PSTPIP1: variants seen among roughly 807,000 people sequenced by gnomAD.
The protein encoded by PSTPIP1 is proline-serine-threonine phosphatase interacting protein 1.
A neutral mutation model predicts 69.6 loss-of-function variants in PSTPIP1; 66 were observed. The observed-to-expected ratio is 0.95, with a 90% CI of 0.78 to 1.16. The LOEUF is 1.16. Ranked by LOEUF, PSTPIP1 falls within the 50% of genes most tolerant of loss-of-function variation. The pLI, the probability that PSTPIP1 is intolerant of heterozygous loss-of-function variation, is 0.00. For missense variants in PSTPIP1, 603 were observed against 557.4 expected (o/e 1.08, Z -0.82); for synonymous variants, 266 against 222.7 (o/e 1.19, Z -1.73).
At chr15:77,030,026 C>A (rs1014327136) in intron 8 of PSTPIP1, among the ~76,000 whole-genome samples, 2 of 152,098 alleles carry the variant, frequency 1.3e-5, no homozygotes, top group African/African-American at 4.8e-5. Flanking sequence ...CACCCACCCT[C>A]CTCCCTTCCC....
At chr15:77,013,907 T>C (rs1295955057) in intron 1 of PSTPIP1, among the ~76,000 whole-genome samples, 1 of 152,176 alleles carries the variant, frequency 6.6e-6, no homozygotes, top group East Asian at 1.9e-4. Context: ...ATGGAACCTC[T>C]GGTGGAGGAA....
chr15:77,036,310 G>C (rs1446465838), intron 14 of PSTPIP1, among the ~76,000 whole-genome samples: 1 of 152,198 alleles, frequency 6.6e-6, no homozygotes, highest in African/African-American at 2.4e-5. Context: ...GGAGCTGGCA[G>C]AGCCTGGAGC....
rs747139033 is a variant in PSTPIP1, at chr15:77,037,036, C to T, written c.1120-9C>T. 1 of 1,611,616 alleles carries T rather than the reference C, an allele frequency of 6.2e-7. No individual in the cohort carries two copies. The highest frequency in any genetic ancestry group is 1.3e-5 in the African/African-American group (1 of 74,922). ...TTCCAACGTCATGCGCTTTCAATCTCTTGGCCAGAACCCAGATGAGCTGGA... is the reference window on the plus strand; with the variant it reads ...TTCCAACGTCATGCGCTTTCAATCTTTTGGCCAGAACCCAGATGAGCTGGA... On this transcript the variant is annotated splice_polypyrimidine_tract_variant and intron_variant, in intron 14 of 14. Coordinates refer to ENST00000558012, the MANE Select transcript of PSTPIP1 (RefSeq NM_003978.5).
At chr15:77,010,335 C>A (rs752997807) in intron 1 of PSTPIP1, among the ~76,000 whole-genome samples, 17 of 152,294 alleles carry the variant, frequency 1.1e-4, no homozygotes, top group Middle Eastern at 3.4e-3. Context: ...GGGGATCATG[C>A]GTGAGAGCCC....
At chr15:77,002,367 G>C (rs1338571776) in intron 1 of PSTPIP1, among the ~76,000 whole-genome samples, 3 of 152,222 alleles carry the variant, frequency 2.0e-5, no homozygotes, top group Admixed American at 6.5e-5. Context: ...GGTGTCTATG[G>C]ATTTGGAAGT....
chr15:77,032,929 G>C lies in PSTPIP1; in HGVS notation c.906G>C (p.Gln302His). The change falls in exon 12 of 15, where the codon CAG (glutamine) becomes CAC (histidine). Residue 302 changes from glutamine (Q) to histidine (H), a missense_variant. Coordinates refer to ENST00000558012, the MANE Select transcript of PSTPIP1 (RefSeq NM_003978.5). ...CGCTGACCAGCAGCCCTGGCATACAGCCGTCCTGCGGCATGATAAAGAGGT... is the reference window on the plus strand; with the variant it reads ...CGCTGACCAGCAGCCCTGGCATACACCCGTCCTGCGGCATGATAAAGAGGT... ...VTPLTSSPGI[Q>H]PSCGMIKRFS... 1.2e-6 allele frequency: 2 copies of C among 1,604,996 alleles called. No homozygotes were observed. Among genetic ancestry groups the C allele is most frequent in the Non-Finnish European group, 1.7e-6 (2 of 1,176,244 alleles).
chr15:77,035,880 G>C lies in PSTPIP1; in HGVS notation c.1064G>C (p.Gly355Ala). 1 of 1,610,480 alleles carries C rather than the reference G, an allele frequency of 6.2e-7. No homozygotes were observed. Among genetic ancestry groups the C allele is most frequent in the Non-Finnish European group, 8.5e-7 (1 of 1,179,542 alleles). Residue 355 changes from glycine (G) to alanine (A), a missense_variant, in exon 14 of 15, where the codon GGA (glycine) becomes GCA (alanine). Coordinates refer to ENST00000558012, the MANE Select transcript of PSTPIP1 (RefSeq NM_003978.5). The part of the protein sequence containing the change: ...YTAIAVQEIQ[G>A]NPASPAQEYR... ...GCCATCGCAGTGCAGGAGATACAGG[G>C]AAACCCGGCCTCACCAGCCCAGGAG...
Position 77,037,045 on chromosome 15 carries a change from A to T in PSTPIP1, c.1120A>T (p.Asn374Tyr). 1 of 1,611,892 alleles carries T rather than the reference A, an allele frequency of 6.2e-7. No homozygotes were observed. The highest frequency in any genetic ancestry group is 1.1e-5 in the South Asian group (1 of 91,080). Residue 374 changes from asparagine (N) to tyrosine (Y), a missense_variant and splice_region_variant, in exon 15 of 15, where the codon AAC becomes TAC. By Grantham distance (143) the Asn-to-Tyr change is moderately radical. Transcript: ENST00000558012. ...CATGCGCTTTCAATCTCTTGGCCAG[A>T]ACCCAGATGAGCTGGACCTGTCCGC... is the stretch of plus-strand genomic sequence containing the variant. ...YRALYDYTAQNPDELDLSAGD... is the reference protein window; with the variant it reads ...YRALYDYTAQYPDELDLSAGD...
chr15:77,027,976 G>C lies in PSTPIP1; in HGVS notation c.417+62G>C, dbSNP rs72643467. On this transcript the variant is annotated intron_variant, in intron 6 of 14. Coordinates refer to ENST00000558012, the MANE Select transcript of PSTPIP1 (RefSeq NM_003978.5). The surrounding 1 kb of genome is among the most constrained non-coding windows in gnomAD (Gnocchi z 4.3). Reference sequence around the variant, plus strand: ...AGGAGCAGCGCAGGTCTCAGGGTGCGATCCTGGGCTGTGGCCCCGGGCAGG... The same window carrying C: ...AGGAGCAGCGCAGGTCTCAGGGTGCCATCCTGGGCTGTGGCCCCGGGCAGG... 2.6e-3 allele frequency: 3,732 copies of C among 1,410,892 alleles called. 86 individuals are homozygous for C. The African/African-American group carries it at 0.046, about 18-fold the overall frequency. 87.4% of individuals were successfully genotyped at this position (1,410,892 alleles called of 1,614,324 possible).
chr15:77,030,773 C>T (rs1196132797), intron 9 of PSTPIP1, among the ~76,000 whole-genome samples, 192 bp downstream of exon 9: 2 of 152,236 alleles, frequency 1.3e-5, no homozygotes, highest in African/African-American at 4.8e-5. Flanking sequence ...GCCTTGAGTC[C>T]TGGGCCCCTT....
At chr15:77,029,682 C>T in intron 8 of PSTPIP1, 108 bp downstream of exon 8, 1 of 1,276,934 alleles carries the variant, frequency 7.8e-7, no homozygotes, top group South Asian at 1.4e-5. Flanking sequence ...GCTGCACAAT[C>T]ATGGGCGCGG....
intron 1 of PSTPIP1, among the ~76,000 whole-genome samples, chr15:77,017,718 C>T (rs915086294): frequency 1.3e-5 from 2 of 152,222 alleles, no homozygotes; most frequent in African/African-American, 2.4e-5. Flanking sequence ...GCTCTGGATA[C>T]GATCACATGT....
chr15:77,036,125 G>T (rs1249233095), intron 14 of PSTPIP1, among the ~76,000 whole-genome samples, 190 bp downstream of exon 14: 3 of 152,186 alleles, frequency 2.0e-5, no homozygotes, highest in Non-Finnish European at 4.4e-5. Context: ...AGTGTGCTTG[G>T]ATGTGAGCTC....
intron 1 of PSTPIP1, among the ~76,000 whole-genome samples, chr15:77,017,719 G>A (rs879730749): frequency 2.0e-5 from 3 of 152,232 alleles, no homozygotes; most frequent in Non-Finnish European, 4.4e-5. Context: ...CTCTGGATAC[G>A]ATCACATGTC....
rs143326445 is a variant in PSTPIP1 at position 77,032,740 on chromosome 15, C to A, written c.839-122C>A. ...GGGTCTCTCATGGGAGCAAGACAGG[C>A]ACCTCCTCAGGCACCAGGATGGGCC... is the stretch of plus-strand genomic sequence containing the variant. On this transcript the variant is annotated intron_variant, in intron 11 of 14. Transcript: ENST00000558012. 1.3e-5 allele frequency: 10 copies of A among 798,558 alleles called. No individual in the cohort carries two copies. The South Asian group carries it at 1.6e-4, about 13-fold the overall frequency. The allele number at this position is 798,558 out of a possible 1,614,324, so 49.5% of individuals were successfully genotyped here. A position where few individuals can be genotyped will look rare whatever the true frequency, so the allele number is the denominator to read the frequency against.
At chr15:77,026,733 A>G (rs907750254) in intron 5 of PSTPIP1, among the ~76,000 whole-genome samples, 3 of 152,358 alleles carry the variant, frequency 2.0e-5, no homozygotes, top group Non-Finnish European at 2.9e-5. Context: ...CTGAGCAGAC[A>G]GGGGGTCCCC....
At position 77,037,032 on chromosome 15, in the gene PSTPIP1, A is replaced by ATCTC; in HGVS notation, c.1120-11_1120-8dup. 1 of 1,611,112 alleles carries ATCTC rather than the reference A, an allele frequency of 6.2e-7. No homozygotes were observed. The highest frequency in any genetic ancestry group is 2.2e-5 in the East Asian group (1 of 44,810). On this transcript the variant is annotated splice_polypyrimidine_tract_variant and intron_variant, in intron 14 of 14. Transcript: ENST00000558012. ...GCCCTTCCAACGTCATGCGCTTTCA[A>ATCTC]TCTCTTGGCCAGAACCCAGATGAGC...
chr15:77,034,327 C>G (rs925675077), intron 12 of PSTPIP1, among the ~76,000 whole-genome samples: 19 of 152,276 alleles, frequency 1.2e-4, no homozygotes, highest in Admixed American at 1.1e-3. Context: ...GGAGCTGGCA[C>G]GTGTGTCTGC....
chr15:76,994,886 G>A, upstream of PSTPIP1: 2 of 1,287,578 alleles, frequency 1.6e-6, no homozygotes, highest in Non-Finnish European at 2.0e-6. Flanking sequence ...GCCTGGAAGG[G>A]TGCTGGACTG....
Sources: allele counts gnomAD v4.1 joint callset (sites outside exome capture counted in the v4.1 genomes callset), GRCh38; gene constraint gnomAD v4.1.1; non-coding constraint Gnocchi (gnomAD v3.1); transcripts MANE v1.5; gene names NCBI Gene and HGNC (gene_info 2026-07-23, HGNC 2026-07-21).